Variants in CSMD1 observed in about 807,000 individuals in gnomAD.
CSMD1 encodes the protein CUB and sushi domain-containing protein 1.
Under a neutral mutation model 417.5 loss-of-function variants are expected in CSMD1, and 213 were observed. The ratio of observed to expected loss-of-function variants is 0.51; its 90% CI spans 0.46 to 0.57. The LOEUF (loss-of-function observed/expected upper bound fraction) is 0.57, where lower values mean the gene tolerates loss of function less well. CSMD1 is among the 20% of genes least tolerant of loss of function. The pLI is 0.00. For synonymous variants in CSMD1, 2,862 were observed against 1,736.8 expected, an observed-to-expected ratio of 1.65 and a Z score of -16.11; for missense variants, 6,923 against 4,529.7, an observed-to-expected ratio of 1.53 and a Z score of -15.17.
chr8:4,862,143 A>G (rs1290198723), intron 1 of CSMD1, among the ~76,000 whole-genome samples: 4 of 152,056 alleles, frequency 2.6e-5, no homozygotes, highest in Non-Finnish European at 5.9e-5. Context: ...ACAAGGAGGC[A>G]TCAGGGAGTG....
intron 26 of CSMD1, among the ~76,000 whole-genome samples, chr8:3,262,025 C>T (rs978854346): frequency 6.6e-6 from 1 of 151,590 alleles, no homozygotes; most frequent in Non-Finnish European, 1.5e-5. Flanking sequence ...CACAGGGTCT[C>T]TGTTTTATTT....
In CSMD1 at chr8:3,424,834, A is replaced by AT. The variant is rs200682763; in HGVS notation, c.1562-15230dup. Among the ~76,000 whole-genome samples, 645 of 152,136 alleles carry AT rather than the reference A, an allele frequency of 4.2e-3. 3 individuals carry two copies. Among genetic ancestry groups the AT allele is most frequent in the Middle Eastern group, 0.034 (10 of 294 alleles). Reference sequence around the variant, plus strand: ...ATTGGCATATTGTTATCATCATTCTATTTTTTTAAATATTATTTTATTTGA... The same window carrying AT: ...ATTGGCATATTGTTATCATCATTCTATTTTTTTTAAATATTATTTTATTTGA... On this transcript the variant is annotated intron_variant, in intron 12 of 69. Coordinates refer to ENST00000635120, the MANE Select transcript of CSMD1 (RefSeq NM_033225.6).
chr8:4,411,286 G>T (rs1390996602), intron 3 of CSMD1, among the ~76,000 whole-genome samples: 1 of 151,968 alleles, frequency 6.6e-6, no homozygotes, highest in East Asian at 1.9e-4. Flanking sequence ...GAGTTAACTT[G>T]CCCTTTACTA....
At position 3,076,965 on chromosome 8, in the gene CSMD1, C is replaced by A. The variant is rs190454530; in HGVS notation, c.7474+10132G>T. ...ATCACCTGAGTAGCGAACATTGTATCCAACAGGCAACCCTCACCCCTGCTC... is the reference window on the plus strand; with the variant it reads ...ATCACCTGAGTAGCGAACATTGTATACAACAGGCAACCCTCACCCCTGCTC... On this transcript the variant is annotated intron_variant, in intron 49 of 69. Transcript: ENST00000635120. 3.9e-5 allele frequency among the ~76,000 whole-genome samples: 6 copies of A among 152,216 alleles called. No homozygotes were observed. The East Asian group carries it at 1.2e-3, about 30-fold the overall frequency.
chr8:4,946,856 G>C (rs1048155117), intron 1 of CSMD1, among the ~76,000 whole-genome samples: 2 of 152,076 alleles, frequency 1.3e-5, no homozygotes, highest in African/African-American at 2.4e-5. Context: ...TTTGACATAA[G>C]ATTTTAAATC....
chr8:3,106,401 G>A (rs1469923258), intron 46 of CSMD1, 127 bp downstream of exon 46: 14 of 604,568 alleles, frequency 2.3e-5, no homozygotes, highest in African/African-American at 3.7e-5. Context: ...CTATCTCCAA[G>A]ATAAATAAAT....
intron 3 of CSMD1, among the ~76,000 whole-genome samples, chr8:4,055,136 G>C (rs985773455): frequency 6.6e-6 from 1 of 152,112 alleles, no homozygotes; most frequent in Non-Finnish European, 1.5e-5. Flanking sequence ...TAGAAATATG[G>C]CCTACTTCAG....
chr8:4,620,214 A>T (rs1355576331), intron 2 of CSMD1, among the ~76,000 whole-genome samples: 2 of 151,678 alleles, frequency 1.3e-5, no homozygotes, highest in Non-Finnish European at 3.0e-5. Flanking sequence ...TAATATGGAG[A>T]ATTATTTGAA....
At chr8:4,378,960 C>G (rs761952413) in intron 3 of CSMD1, among the ~76,000 whole-genome samples, 2 of 152,104 alleles carry the variant, frequency 1.3e-5, no homozygotes, top group Non-Finnish European at 2.9e-5. Flanking sequence ...TATAAGCCTT[C>G]CAGTTTATGA....
chr8:3,370,702 C>G (rs1245601759), intron 18 of CSMD1, among the ~76,000 whole-genome samples: 1 of 152,164 alleles, frequency 6.6e-6, no homozygotes, highest in East Asian at 1.9e-4. Flanking sequence ...AGGCTGGGCA[C>G]GGTAGCTCAC....
intron 1 of CSMD1, among the ~76,000 whole-genome samples, chr8:4,749,049 TGTGTGC>T (rs199594584): frequency 0.014 from 2,110 of 146,810 alleles, 46 homozygotes; most frequent in African/African-American, 0.051. Flanking sequence ...TGTGTGTGCC[TGTGTGC>T]GTGTGTGTGT....
intron 1 of CSMD1, among the ~76,000 whole-genome samples, chr8:4,912,638 C>T (rs537959232): frequency 6.6e-6 from 1 of 152,172 alleles, no homozygotes; most frequent in African/African-American, 2.4e-5. Context: ...TTTGTAAATA[C>T]CTGTGACATG....
chr8:4,702,348 C>G (rs950748985), intron 1 of CSMD1, among the ~76,000 whole-genome samples: 1 of 152,312 alleles, frequency 6.6e-6, no homozygotes, highest in African/African-American at 2.4e-5. Flanking sequence ...CTTTGCTAAA[C>G]TGACCCTCCT....
chr8:4,415,339 T>C (rs1000232856), intron 3 of CSMD1, among the ~76,000 whole-genome samples: 2 of 152,178 alleles, frequency 1.3e-5, no homozygotes, highest in African/African-American at 4.8e-5. Flanking sequence ...TCTGCAGGGA[T>C]TCCTCCTTAC....
chr8:3,489,149 C>A (rs1818224579), intron 11 of CSMD1, among the ~76,000 whole-genome samples: 1 of 152,126 alleles, frequency 6.6e-6, no homozygotes, highest in Non-Finnish European at 1.5e-5. Context: ...CCCTTTGACT[C>A]AGGATCAGCA....
chr8:4,954,621 A>G (rs1440956563), intron 1 of CSMD1, among the ~76,000 whole-genome samples: 1 of 152,222 alleles, frequency 6.6e-6, no homozygotes, highest in African/African-American at 2.4e-5. Flanking sequence ...ATACTATAAA[A>G]TAAAATCCTA....
chr8:3,918,390 C>G (rs1192546133), intron 5 of CSMD1, among the ~76,000 whole-genome samples: 2 of 152,096 alleles, frequency 1.3e-5, no homozygotes, highest in African/African-American at 4.8e-5. Flanking sequence ...GCCATCTTAA[C>G]AAATATCACG....
intron 3 of CSMD1, among the ~76,000 whole-genome samples, chr8:4,363,697 C>T (rs989201318): frequency 2.7e-4 from 41 of 152,176 alleles, no homozygotes; most frequent in African/African-American, 9.6e-4. Flanking sequence ...CTGGTTATTT[C>T]ACTTAACAAA....
At chr8:3,720,052 G>C (rs1469831496) in intron 6 of CSMD1, among the ~76,000 whole-genome samples, 2 of 152,198 alleles carry the variant, frequency 1.3e-5, no homozygotes, top group Admixed American at 1.3e-4. Flanking sequence ...TACACAAAGT[G>C]CATGGAAAAT....
Sources: gnomAD v4.1 joint callset for allele counts (sites outside exome capture counted in the v4.1 genomes callset) on GRCh38, gnomAD v4.1.1 for gene constraint, MANE v1.5 for transcripts, NCBI Gene and HGNC (gene_info 2026-07-23, HGNC 2026-07-21) for gene names.